Variants in HK1 observed in about 807,000 individuals in gnomAD.
The protein encoded by HK1 is hexokinase-1.
A neutral mutation model predicts 91.6 loss-of-function variants in HK1; 28 were observed. That is an observed-to-expected ratio of 0.31 (90% CI 0.23 to 0.42). HK1 has a LOEUF of 0.42. Among genes scored for constraint, HK1 ranks in the 10% least tolerant of loss-of-function variants. The pLI is 1.00. For synonymous variants in HK1, 430 were observed against 468.1 expected (o/e 0.92, Z 1.05); for missense variants, 770 against 1,219.8 (o/e 0.63, Z 5.49).
At position 69,401,180 on chromosome 10, in the gene HK1, T is replaced by C. The variant is rs1269170652; in HGVS notation, c.*45T>C. On this transcript the variant is annotated 3_prime_UTR_variant, in exon 18 of 18. Transcript: ENST00000359426. ...TACTGCCTCTCCAGCACTTCTCTCT[T>C]CAAGCGGCGACCCCCTACCCTCCCA... is the stretch of plus-strand genomic sequence containing the variant. 5 of 1,588,586 alleles carry C rather than the reference T, an allele frequency of 3.1e-6. No individual in the cohort carries two copies. The highest frequency in any genetic ancestry group is 4.3e-6 in the Non-Finnish European group (5 of 1,169,690).
chr10:69,332,017 G>A (rs1454836313), intron 1 of HK1, among the ~76,000 whole-genome samples: 1 of 152,206 alleles, frequency 6.6e-6, no homozygotes. Context: ...GCTGCAATGA[G>A]CCTTGATTGC....
chr10:69,273,437 C>G (rs913602092), intron 1 of HK1, among the ~76,000 whole-genome samples: 1 of 152,178 alleles, frequency 6.6e-6, no homozygotes, highest in East Asian at 1.9e-4. Flanking sequence ...AGGATGGTCT[C>G]CATCTCCTGA....
intron 5 of HK1, among the ~76,000 whole-genome samples, chr10:69,302,805 G>C (rs1362287334): frequency 6.6e-6 from 1 of 150,768 alleles, no homozygotes; most frequent in Non-Finnish European, 1.5e-5. Flanking sequence ...TGCTTTGTTT[G>C]TTTGTTCTGA....
At chr10:69,383,076 G>T (rs137993610) in intron 10 of HK1, among the ~76,000 whole-genome samples, 1 of 152,158 alleles carries the variant, frequency 6.6e-6, no homozygotes, top group East Asian at 1.9e-4. Flanking sequence ...GGTGACACAC[G>T]CCTGTCATCC....
At chr10:69,367,575 T>C (rs1007755122) in intron 4 of HK1, among the ~76,000 whole-genome samples, 7 of 152,262 alleles carry the variant, frequency 4.6e-5, no homozygotes, top group Admixed American at 3.3e-4. Flanking sequence ...GCTTAGTTGC[T>C]GCTGAGCAAA....
chr10:69,377,355 C>T (rs1839167415), intron 8 of HK1, among the ~76,000 whole-genome samples: 1 of 151,514 alleles, frequency 6.6e-6, no homozygotes, highest in East Asian at 1.9e-4. Flanking sequence ...TCCTCTCCCA[C>T]CCCCATCAGC....
chr10:69,276,912 A>C (rs1179169001), intron 1 of HK1, among the ~76,000 whole-genome samples: 1 of 151,870 alleles, frequency 6.6e-6, no homozygotes, highest in Non-Finnish European at 1.5e-5. Context: ...CAAGTATTTC[A>C]GCATGCTTTT....
chr10:69,396,705 G>C (rs187089567), intron 16 of HK1, among the ~76,000 whole-genome samples: 8 of 152,182 alleles, frequency 5.3e-5, no homozygotes, highest in African/African-American at 1.9e-4. Context: ...TTTTGAGACG[G>C]AGTTTCACTC....
intron 3 of HK1, among the ~76,000 whole-genome samples, chr10:69,290,037 A>G (rs934135022): frequency 6.6e-6 from 1 of 152,122 alleles, no homozygotes; most frequent in Non-Finnish European, 1.5e-5. Context: ...TTTCAAATTA[A>G]TCTATGCTGT....
chr10:69,387,939 A>C (rs570808762), intron 13 of HK1, among the ~76,000 whole-genome samples: 2 of 152,308 alleles, frequency 1.3e-5, no homozygotes, highest in East Asian at 3.9e-4. Context: ...AAAAAACAAA[A>C]CAAAACAAAA....
At chr10:69,293,863 T>C (rs536283104) in intron 3 of HK1, among the ~76,000 whole-genome samples, 18 of 144,112 alleles carry the variant, frequency 1.2e-4, no homozygotes, top group Admixed American at 1.1e-3. Context: ...TTCTTTTTTT[T>C]TTTTTTTTTT....
intron 7 of HK1, among the ~76,000 whole-genome samples, chr10:69,371,323 C>CA (rs981490899): frequency 2.7e-5 from 4 of 149,058 alleles, no homozygotes; most frequent in African/African-American, 1.0e-4. Flanking sequence ...CATACCCCCC[C>CA]CCACCCCGCC....
intron 16 of HK1, among the ~76,000 whole-genome samples, chr10:69,397,275 C>T (rs1197806385): frequency 5.4e-5 from 8 of 147,354 alleles, no homozygotes; most frequent in Admixed American, 1.4e-4. Context: ...ACCAGCAGCC[C>T]GTGAAAGTTC....
Position 69,380,191 on chromosome 10 carries a change from G to T in HK1, c.1265+96G>T. On this transcript the variant is annotated intron_variant, in intron 9 of 17. Transcript: ENST00000359426. The surrounding 1 kb of genome is among the most constrained non-coding windows in gnomAD (Gnocchi z 4.0). ...CTTTTGTACCCGGTAAACGTTTTTC[G>T]GCAGACAAGACAATGGTGGTCGGGG... The T allele has an allele frequency of 1.0e-6, 1 of 997,646 alleles. No homozygotes were observed. Among genetic ancestry groups the T allele is most frequent in the South Asian group, 1.3e-5 (1 of 74,596 alleles). The allele number at this position is 997,646 out of a possible 1,614,324, so 61.8% of individuals were successfully genotyped here.
chr10:69,297,589 G>A lies in HK1; in HGVS notation c.-67+1909G>A, dbSNP rs192978090. ...CATCTTTAGCATATTCTGAAGCATC[G>A]CAGCTTTAGAATTGCTTGGTTGAGG... On this transcript the variant is annotated intron_variant, in intron 4 of 21. Transcript: ENST00000360289. Among the ~76,000 whole-genome samples the A allele has an allele frequency of 1.2e-3, 188 of 152,168 alleles. 1 individual carries two copies. Among genetic ancestry groups the A allele is most frequent in the African/African-American group, 4.3e-3 (178 of 41,514 alleles).
intron 3 of HK1, among the ~76,000 whole-genome samples, chr10:69,294,070 C>T (rs948734121): frequency 5.3e-5 from 8 of 151,948 alleles, no homozygotes; most frequent in East Asian, 1.9e-4. Context: ...ACCGTGTTAG[C>T]CAGGATGGTC....
At position 69,392,219 on chromosome 10, in the gene HK1, G is replaced by T; in HGVS notation, c.2130G>T (p.Gly710=). ...AGATGTGCATCAACATGGAGTGGGG[G>T]GCCTTTGGGGACAACGGGTGTCTGG... ...QGQMCINMEW[G]AFGDNGCLDD... The change falls in exon 15 of 18, where the codon GGG becomes GGT. Residue 710 remains glycine, a synonymous_variant. Transcript: ENST00000359426. The T allele has an allele frequency of 6.2e-7, 1 of 1,614,164 alleles. No individual in the cohort carries two copies. Among genetic ancestry groups the T allele is most frequent in the South Asian group, 1.1e-5 (1 of 91,080 alleles).
intron 1 of HK1, among the ~76,000 whole-genome samples, chr10:69,334,333 C>T (rs1169394522): frequency 6.6e-6 from 1 of 152,058 alleles, no homozygotes; most frequent in Non-Finnish European, 1.5e-5. Flanking sequence ...AGGAGCCCTG[C>T]GGTGGAATTG....
chr10:69,372,454 G>A (rs192780653), intron 7 of HK1, among the ~76,000 whole-genome samples: 12 of 152,278 alleles, frequency 7.9e-5, no homozygotes, highest in Non-Finnish European at 1.0e-4. Flanking sequence ...TCCCTATGTC[G>A]TTTTTCCATG....
Sources: allele counts gnomAD v4.1 joint callset (sites outside exome capture counted in the v4.1 genomes callset), GRCh38; gene constraint gnomAD v4.1.1; non-coding constraint Gnocchi (gnomAD v3.1); transcripts MANE v1.5; gene names NCBI Gene and HGNC (gene_info 2026-07-23, HGNC 2026-07-21).